PKLR: variants seen among roughly 807,000 people sequenced by gnomAD.
PKLR encodes pyruvate kinase PKLR.
In PKLR, 38 loss-of-function variants were observed where a neutral mutation model predicts 53.6. That is an observed-to-expected ratio of 0.71 (90% CI 0.55 to 0.93). The LOEUF is 0.93. PKLR is among the 40% of genes least tolerant of loss of function. The probability of loss-of-function intolerance (pLI) is 0.00; values close to 1 mark genes in which losing one functional copy is unlikely to be tolerated. For missense variants in PKLR, 702 were observed against 787.3 expected, an observed-to-expected ratio of 0.89 and a Z score of 1.30; for synonymous variants, 328 against 316.2, an observed-to-expected ratio of 1.04 and a Z score of -0.39.
At position 155,294,562 on chromosome 1, in the gene PKLR, A is replaced by T; in HGVS notation, c.885T>A (p.Ala295=). Residue 295 remains alanine (A), a synonymous_variant, in exon 6 of 11, where the codon GCT becomes GCA. Coordinates refer to ENST00000342741, the MANE Select transcript of PKLR (RefSeq NM_000298.6). ...ASFVRKASDV[A]AVRAALGPEG... ...CCGGACCCAGAGCAGCCCTGACGGC[A>T]GCCACGTCGCTGGCTTTCCGCACAA... is the stretch of plus-strand genomic sequence containing the variant. 1.2e-6 allele frequency: 2 copies of T among 1,614,246 alleles called. No homozygotes were observed. Among genetic ancestry groups the T allele is most frequent in the South Asian group, 2.2e-5 (2 of 91,082 alleles).
At chr1:155,298,575 C>T (rs1647727965) in intron 2 of PKLR, among the ~76,000 whole-genome samples, 1 of 151,956 alleles carries the variant, frequency 6.6e-6, no homozygotes, top group East Asian at 1.9e-4. Flanking sequence ...GATCCGCCCG[C>T]CTCGGCCTCC....
At chr1:155,297,229 C>T (rs1360450173) in intron 2 of PKLR, among the ~76,000 whole-genome samples, 3 of 152,160 alleles carry the variant, frequency 2.0e-5, no homozygotes, top group Non-Finnish European at 4.4e-5. Flanking sequence ...TCTCCCAAAC[C>T]CAGAGTTGTG....
Position 155,293,660 on chromosome 1 carries a change from C to A in PKLR, c.1117-70G>T, listed in dbSNP as rs766401884. 7.3e-5 allele frequency: 110 copies of A among 1,498,218 alleles called. No individual in the cohort carries two copies. Among genetic ancestry groups the A allele is most frequent in the Non-Finnish European group, 9.9e-5 (107 of 1,078,778 alleles). The allele number at this position is 1,498,218 out of a possible 1,614,324, so 92.8% of individuals were successfully genotyped here. A position where few individuals can be genotyped will look rare whatever the true frequency, so the allele number is the denominator to read the frequency against. On this transcript the variant is annotated intron_variant, in intron 7 of 10. Coordinates refer to ENST00000342741, the MANE Select transcript of PKLR (RefSeq NM_000298.6). The surrounding 1 kb of genome is among the most constrained non-coding windows in gnomAD (Gnocchi z 4.2). ...ACTGGGGACCCTGCCCAAGCTACTTCTCTGACACCCACACTCTCAGAGTGT... is the reference window on the plus strand; with the variant it reads ...ACTGGGGACCCTGCCCAAGCTACTTATCTGACACCCACACTCTCAGAGTGT...
At chr1:155,304,914 G>C (rs1013081817), upstream of PKLR, among the ~76,000 whole-genome samples, 51 of 152,192 alleles carry the variant, frequency 3.4e-4, no homozygotes, top group African/African-American at 1.2e-3. Flanking sequence ...CTGTTTTACA[G>C]ATGAGGGAAC....
chr1:155,298,607 G>T (rs557837191), intron 2 of PKLR, among the ~76,000 whole-genome samples: 1 of 147,520 alleles, frequency 6.8e-6, no homozygotes, highest in Admixed American at 6.7e-5. Flanking sequence ...GATTACAGGC[G>T]TGAGCCACCG....
At chr1:155,302,485 C>T (rs920336630), upstream of PKLR, among the ~76,000 whole-genome samples, 1 of 151,952 alleles carries the variant, frequency 6.6e-6, no homozygotes, top group Non-Finnish European at 1.5e-5. Context: ...GATCTGCCCG[C>T]CACAGCTTCC....
chr1:155,294,288 T>C lies in PKLR; in HGVS notation c.1063A>G (p.Met355Val), dbSNP rs1482347822. The part of the protein sequence containing the change: ...PAEKVFLAQK[M>V]MIGRCNLAGK... ...GCCAAGTTGCAGCGCCCAATCATCATCTTCTGAGCCAGGAAAACCTTCTCT... is the reference window on the plus strand; with the variant it reads ...GCCAAGTTGCAGCGCCCAATCATCACCTTCTGAGCCAGGAAAACCTTCTCT... Residue 355 changes from methionine to valine, a missense_variant, in exon 7 of 11, where the codon ATG becomes GTG. Coordinates refer to ENST00000342741, the MANE Select transcript of PKLR (RefSeq NM_000298.6). 4.3e-6 allele frequency: 7 copies of C among 1,613,838 alleles called. No individual in the cohort carries two copies. The highest frequency in any genetic ancestry group is 5.9e-6 in the Non-Finnish European group (7 of 1,180,022).
Position 155,300,130 on chromosome 1 carries a change from G to A in PKLR, c.251C>T (p.Ala84Val). 6.2e-7 allele frequency: 1 copy of A among 1,613,966 alleles called. No homozygotes were observed. The highest frequency in any genetic ancestry group is 8.5e-7 in the Non-Finnish European group (1 of 1,180,020). The change falls in exon 2 of 11, where the codon GCT becomes GTT. Residue 84 changes from alanine to valine, a missense_variant. By Grantham distance (64) the Ala-to-Val change is moderately conservative. Coordinates refer to ENST00000342741, the MANE Select transcript of PKLR (RefSeq NM_000298.6). The part of the protein sequence containing the change: ...CLLDIDSEPV[A>V]ARSTSIIATI... ...GGCAATGATGCTGGTACTGCGAGCA[G>A]CCACGGGCTCGGAGTCAATGTCCAG...
At chr1:155,300,868 A>C (rs1370112011) in intron 1 of PKLR, 2 of 1,610,760 alleles carry the variant, frequency 1.2e-6, no homozygotes, top group South Asian at 2.2e-5. Context: ...GGAGCCCCCG[A>C]TTCCAGCCGC....
chr1:155,306,316 AC>A (rs1648233772), upstream of PKLR, among the ~76,000 whole-genome samples: 1 of 152,208 alleles, frequency 6.6e-6, no homozygotes, highest in African/African-American at 2.4e-5. This position sits in a 1 kb window ranked among gnomAD's most constrained non-coding sequence, Gnocchi z 4.2. Context: ...ATGCACAGAC[AC>A]AAACGCAGGT....
chr1:155,295,081 C>T lies in PKLR; in HGVS notation c.694+35G>A, dbSNP rs756966996. 6.2e-7 allele frequency: 1 copy of T among 1,608,406 alleles called. No individual in the cohort carries two copies. Among genetic ancestry groups the T allele is most frequent in the South Asian group, 1.1e-5 (1 of 90,860 alleles). ...CAAGGAGAAGGGAATGTGCCCAGCG[C>T]ACGGATGTGGTCAGGGCGGGAGGCG... is the stretch of plus-strand genomic sequence containing the variant. On this transcript the variant is annotated intron_variant, in intron 5 of 10. Coordinates refer to ENST00000342741, the MANE Select transcript of PKLR (RefSeq NM_000298.6). The surrounding 1 kb of genome is among the most constrained non-coding windows in gnomAD (Gnocchi z 4.3).
intron 1 of PKLR, chr1:155,301,045 G>A: frequency 6.5e-7 from 1 of 1,542,968 alleles, no homozygotes; most frequent in Non-Finnish European, 8.8e-7. Flanking sequence ...GTATGCCAGG[G>A]GCCAGAGTCC....
chr1:155,291,662 G>T, intron 10 of PKLR, 94 bp downstream of exon 10: 1 of 1,090,220 alleles, frequency 9.2e-7, no homozygotes. Context: ...GACCACAGGA[G>T]AGAGGCAAGG....
chr1:155,299,185 C>A, intron 2 of PKLR, among the ~76,000 whole-genome samples: 1 of 133,244 alleles, frequency 7.5e-6, no homozygotes, highest in South Asian at 2.8e-4. Context: ...TTCTTTCTTT[C>A]CTTCTTTCTT....
intron 5 of PKLR, 124 bp downstream of exon 5, chr1:155,294,992 G>A: frequency 8.5e-7 from 1 of 1,179,372 alleles, no homozygotes. Context: ...GGACTCCTGG[G>A]ACGGGCTGGC....
At position 155,293,428 on chromosome 1, in the gene PKLR, G is replaced by T. The variant is rs1249691487; in HGVS notation, c.1269+10C>A. The T allele has an allele frequency of 5.0e-6, 8 of 1,614,186 alleles. No individual in the cohort carries two copies. Among genetic ancestry groups the T allele is most frequent in the Non-Finnish European group, 5.9e-6 (7 of 1,180,032 alleles). ...CCCTGGCCCATTTGCTTTTCATTCT[G>T]AGCTCCTACCGCATGCTGCATCTTC... On this transcript the variant is annotated intron_variant, in intron 8 of 10. Coordinates refer to ENST00000342741, the MANE Select transcript of PKLR (RefSeq NM_000298.6). The surrounding 1 kb of genome is among the most constrained non-coding windows in gnomAD (Gnocchi z 4.2).
At chr1:155,297,752 G>A (rs1002633108) in intron 2 of PKLR, among the ~76,000 whole-genome samples, 4 of 151,998 alleles carry the variant, frequency 2.6e-5, no homozygotes, top group South Asian at 2.1e-4. Flanking sequence ...CTTCCTGTCC[G>A]TACACAGTCT....
At chr1:155,291,244 T>C (rs1674527838) in intron 10 of PKLR, among the ~76,000 whole-genome samples, 1 of 151,946 alleles carries the variant, frequency 6.6e-6, no homozygotes. Flanking sequence ...ACGCCTGTAA[T>C]CCCAGCACTC....
Position 155,295,384 on chromosome 1 carries a change from A to G in PKLR, c.507+53T>C, listed in dbSNP as rs1486566035. On this transcript the variant is annotated intron_variant, in intron 4 of 10. Coordinates refer to ENST00000342741, the MANE Select transcript of PKLR (RefSeq NM_000298.6). This position sits in a 1 kb window ranked among gnomAD's most constrained non-coding sequence, Gnocchi z 4.3. ...CCTGCCCACGCCTGGGCCCAACCCTACAGGCGCCGCCTTTCCGGCCCTGGC... is the reference window on the plus strand; with the variant it reads ...CCTGCCCACGCCTGGGCCCAACCCTGCAGGCGCCGCCTTTCCGGCCCTGGC... 6.2e-7 allele frequency: 1 copy of G among 1,612,440 alleles called. No homozygotes were observed. The highest frequency in any genetic ancestry group is 8.5e-7 in the Non-Finnish European group (1 of 1,179,374).
Sources: gnomAD v4.1 joint callset for allele counts (sites outside exome capture counted in the v4.1 genomes callset) on GRCh38, gnomAD v4.1.1 for gene constraint, Gnocchi (gnomAD v3.1) non-coding constraint, MANE v1.5 for transcripts, NCBI Gene and HGNC (gene_info 2026-07-23, HGNC 2026-07-21) for gene names.